Variants in ASCC3 observed in about 807,000 individuals in gnomAD.
ASCC3 encodes ASC-1 complex subunit P200.
A neutral mutation model predicts 256.3 loss-of-function variants in ASCC3; 158 were observed. The ratio of observed to expected loss-of-function variants is 0.62; its 90% CI spans 0.54 to 0.70. The LOEUF (loss-of-function observed/expected upper bound fraction) is 0.70, where lower values mean the gene tolerates loss of function less well. Among genes scored for constraint, ASCC3 ranks in the 30% least tolerant of loss-of-function variants. The pLI, the probability that ASCC3 is intolerant of heterozygous loss-of-function variation, is 0.00. For synonymous variants in ASCC3, 948 were observed against 883.4 expected, an observed-to-expected ratio of 1.07 and a Z score of -1.30; for missense variants, 2,259 against 2,626.0, an observed-to-expected ratio of 0.86 and a Z score of 3.05.
intron 25 of ASCC3, among the ~76,000 whole-genome samples, chr6:100,632,672 A>G (rs1365677886): frequency 2.6e-5 from 4 of 152,192 alleles, no homozygotes; most frequent in Admixed American, 2.6e-4. Flanking sequence ...ATCAACCCAC[A>G]CAAACAAGGT....
chr6:100,880,809 G>A (rs952826001), intron 1 of ASCC3, among the ~76,000 whole-genome samples: 2 of 152,214 alleles, frequency 1.3e-5, no homozygotes, highest in African/African-American at 2.4e-5. Flanking sequence ...TTAACACTTG[G>A]ACAATATGTA....
intron 36 of ASCC3, among the ~76,000 whole-genome samples, chr6:100,575,690 G>T (rs532074541): frequency 6.6e-6 from 1 of 151,982 alleles, no homozygotes; most frequent in African/African-American, 2.4e-5. Flanking sequence ...GTTGTCATAA[G>T]AACCATAACA....
chr6:100,636,977 C>T (rs866968326), intron 25 of ASCC3, among the ~76,000 whole-genome samples: 3 of 152,206 alleles, frequency 2.0e-5, no homozygotes, highest in South Asian at 2.1e-4. Flanking sequence ...GAAGCTGCAG[C>T]GAGTTATCTG....
At chr6:100,621,111 A>G (rs1483026679) in intron 30 of ASCC3, among the ~76,000 whole-genome samples, 1 of 152,194 alleles carries the variant, frequency 6.6e-6, no homozygotes, top group East Asian at 1.9e-4. Context: ...GACTGGATAA[A>G]GAAAATGTGG....
intron 4 of ASCC3, among the ~76,000 whole-genome samples, chr6:100,807,859 T>C (rs998520497): frequency 2.0e-5 from 3 of 151,886 alleles, no homozygotes; most frequent in African/African-American, 7.2e-5. Flanking sequence ...TAAAAGTATT[T>C]TGTAAAAATT....
chr6:100,601,526 C>G lies in ASCC3; in HGVS notation c.5303+284G>C, dbSNP rs192728288. Among the ~76,000 whole-genome samples the G allele has an allele frequency of 3.9e-5, 6 of 152,160 alleles. No homozygotes were observed. The East Asian group carries it at 1.2e-3, about 29-fold the overall frequency. ...AGTCAGTCACTATCATGTAGTTTAG[C>G]ACATTTCTTAATGACTTCAGGTATC... On this transcript the variant is annotated intron_variant, in intron 34 of 41. Transcript: ENST00000369162.
intron 14 of ASCC3, among the ~76,000 whole-genome samples, chr6:100,676,039 T>C (rs1776990349): frequency 6.6e-6 from 1 of 152,126 alleles, no homozygotes; most frequent in African/African-American, 2.4e-5. Context: ...ACTGCTGCTA[T>C]TCCTTGAGGT....
chr6:100,872,729 C>A (rs536125158), intron 1 of ASCC3, among the ~76,000 whole-genome samples: 26 of 152,124 alleles, frequency 1.7e-4, no homozygotes, highest in Non-Finnish European at 3.7e-4. Context: ...TGTAGACAAC[C>A]CCCAGTACCA....
chr6:100,718,880 A>G (rs1413133030), intron 11 of ASCC3, among the ~76,000 whole-genome samples: 1 of 152,326 alleles, frequency 6.6e-6, no homozygotes, highest in African/African-American at 2.4e-5. Context: ...ATTATGATGT[A>G]ACATACCTAA....
intron 33 of ASCC3, among the ~76,000 whole-genome samples, chr6:100,602,735 C>T (rs1180544717): frequency 1.3e-5 from 2 of 151,854 alleles, no homozygotes; most frequent in African/African-American, 4.8e-5. Flanking sequence ...GTGGAGTACA[C>T]AAAGATAATC....
intron 20 of ASCC3, 40 bp from the exon 21 acceptor site, chr6:100,647,491 G>C: frequency 6.5e-7 from 1 of 1,537,168 alleles, no homozygotes; most frequent in Non-Finnish European, 9.0e-7. Flanking sequence ...TATACCCAAT[G>C]TGCTTTTAAA....
chr6:100,765,750 G>A (rs936001855), intron 10 of ASCC3, among the ~76,000 whole-genome samples: 7 of 152,184 alleles, frequency 4.6e-5, no homozygotes, highest in Non-Finnish European at 1.0e-4. Context: ...ATTGAGACCT[G>A]TCTCAGATAC....
chr6:100,629,267 A>C (rs1774414250), intron 26 of ASCC3, 86 bp from the exon 27 acceptor site: 2 of 1,256,856 alleles, frequency 1.6e-6, no homozygotes, highest in South Asian at 1.4e-5. Flanking sequence ...TTTTAAAATA[A>C]AATTTTATAA....
intron 8 of ASCC3, among the ~76,000 whole-genome samples, chr6:100,791,896 G>A (rs769015213): frequency 2.0e-5 from 3 of 151,616 alleles, no homozygotes; most frequent in Non-Finnish European, 2.9e-5. Context: ...CAGTGACCCT[G>A]GAATAACAGC....
intron 14 of ASCC3, among the ~76,000 whole-genome samples, chr6:100,676,768 A>ACACT (rs770328087): frequency 2.7e-5 from 1 of 37,528 alleles, no homozygotes; most frequent in African/African-American, 9.3e-5. Flanking sequence ...ACACTCACAC[A>ACACT]CACACACACA....
At chr6:100,563,167 G>A (rs1770044405) in intron 36 of ASCC3, among the ~76,000 whole-genome samples, 1 of 151,572 alleles carries the variant, frequency 6.6e-6, no homozygotes. Flanking sequence ...ATATATTAAT[G>A]CTTTTTAAAT....
At chr6:100,703,900 A>G (rs1469012385) in intron 13 of ASCC3, among the ~76,000 whole-genome samples, 1 of 151,752 alleles carries the variant, frequency 6.6e-6, no homozygotes, top group African/African-American at 2.4e-5. Context: ...AAAGTACATC[A>G]AGTATCAACT....
chr6:100,755,855 C>T (rs1259896901), intron 10 of ASCC3, among the ~76,000 whole-genome samples: 1 of 152,184 alleles, frequency 6.6e-6, no homozygotes, highest in East Asian at 1.9e-4. Flanking sequence ...ACATGGTATA[C>T]TTCACAATAT....
rs1214953947 is a variant in ASCC3 at position 100,622,941 on chromosome 6, G to T, written c.4785+2251C>A. 3.3e-5 allele frequency among the ~76,000 whole-genome samples: 5 copies of T among 152,030 alleles called. No homozygotes were observed. In the East Asian group the frequency reaches 9.6e-4, roughly 29 times the overall value. ...CAGTGGAAGTGTACACTGTGATAATGCACAATGTCTATATACTTTAAGCAA... is the reference window on the plus strand; with the variant it reads ...CAGTGGAAGTGTACACTGTGATAATTCACAATGTCTATATACTTTAAGCAA... On this transcript the variant is annotated intron_variant, in intron 30 of 41. Transcript: ENST00000369162.
Sources: allele counts gnomAD v4.1 joint callset (sites outside exome capture counted in the v4.1 genomes callset), GRCh38; gene constraint gnomAD v4.1.1; transcripts MANE v1.5; gene names NCBI Gene and HGNC (gene_info 2026-07-23, HGNC 2026-07-21).